BEND7: variants seen among roughly 807,000 people sequenced by gnomAD.
The protein encoded by BEND7 is BEN domain-containing protein 7.
A neutral mutation model predicts 50.9 loss-of-function variants in BEND7; 28 were observed. That is an observed-to-expected ratio of 0.55 (90% CI 0.41 to 0.75). The LOEUF (loss-of-function observed/expected upper bound fraction) is 0.75, where lower values mean the gene tolerates loss of function less well. Ranked by LOEUF, BEND7 falls within the 30% of genes least tolerant of loss-of-function variation. BEND7 has a pLI of 0.00. For missense variants in BEND7, 477 were observed against 491.3 expected, an observed-to-expected ratio of 0.97 and a Z score of 0.28; for synonymous variants, 170 against 183.9, an observed-to-expected ratio of 0.92 and a Z score of 0.61.
In BEND7 at chr10:13,496,747, C is replaced by T. The variant is rs369417947; in HGVS notation, c.571+19G>A. Reference sequence around the variant, plus strand: ...GCATTAAAAATCAAAGGACTCATTCCGAGGCCTGATCCTTGTACCTGCTTG... The same window carrying T: ...GCATTAAAAATCAAAGGACTCATTCTGAGGCCTGATCCTTGTACCTGCTTG... On this transcript the variant is annotated intron_variant, in intron 4 of 8. Transcript: ENST00000466271. The T allele has an allele frequency of 2.7e-5, 44 of 1,606,290 alleles. No individual in the cohort carries two copies. In the Admixed American group the frequency reaches 3.3e-4, roughly 12 times the overall value.
Position 13,470,707 on chromosome 10 carries a change from GC to G in BEND7, c.1063+10191del, listed in dbSNP as rs2074730090. Among the ~76,000 whole-genome samples the G allele has an allele frequency of 2.6e-5, 4 of 152,194 alleles. 1 individual carries two copies. Among genetic ancestry groups the G allele is most frequent in the Admixed American group, 2.6e-4 (4 of 15,278 alleles). On this transcript the variant is annotated intron_variant, in intron 6 of 8. Transcript: ENST00000466271. ...GGTGGTGAAGCGTAGACTCACTGTG[GC>G]CCCAACGGCAGGGATCCGAATTCAT...
At chr10:13,449,395 C>T (rs1437585810) in intron 7 of BEND7, among the ~76,000 whole-genome samples, 1 of 152,178 alleles carries the variant, frequency 6.6e-6, no homozygotes, top group African/African-American at 2.4e-5. Flanking sequence ...CCTTAGGACA[C>T]TCTACAAGGT....
intron 6 of BEND7, among the ~76,000 whole-genome samples, chr10:13,475,503 G>A (rs771472930): frequency 3.3e-5 from 5 of 152,218 alleles, no homozygotes; most frequent in Admixed American, 6.5e-5. Flanking sequence ...CTTTCTTGAT[G>A]GAAGGGATCA....
At chr10:13,468,587 G>GGT in intron 6 of BEND7, among the ~76,000 whole-genome samples, 1 of 152,168 alleles carries the variant, frequency 6.6e-6, no homozygotes, top group Non-Finnish European at 1.5e-5. Flanking sequence ...TAGGCTGTTA[G>GGT]GATACATTAG....
chr10:13,498,358 C>T (rs10906394), intron 3 of BEND7, among the ~76,000 whole-genome samples: 30,771 of 152,008 alleles, frequency 0.2, 3,205 homozygotes, highest in African/African-American at 0.24. Context: ...ACTACAGGCA[C>T]GAGCCACCAC....
chr10:13,474,166 C>A (rs1291587281), intron 6 of BEND7, among the ~76,000 whole-genome samples: 1 of 151,448 alleles, frequency 6.6e-6, no homozygotes, highest in Non-Finnish European at 1.5e-5. Flanking sequence ...CATCTGTCAT[C>A]GCTGTTAGAT....
In BEND7 at chr10:13,496,762, G is replaced by A; in HGVS notation, c.571+4C>T. On this transcript the variant is annotated splice_donor_region_variant and intron_variant, in intron 4 of 8. Coordinates refer to ENST00000466271, the MANE Select transcript of BEND7 (RefSeq NM_001369863.1). Reference sequence around the variant, plus strand: ...GGACTCATTCCGAGGCCTGATCCTTGTACCTGCTTGAATTTGCATTAATTT... The same window carrying A: ...GGACTCATTCCGAGGCCTGATCCTTATACCTGCTTGAATTTGCATTAATTT... 1.2e-6 allele frequency: 2 copies of A among 1,612,414 alleles called. No homozygotes were observed. Among genetic ancestry groups the A allele is most frequent in the Non-Finnish European group, 1.7e-6 (2 of 1,179,440 alleles).
chr10:13,528,456 C>T lies in BEND7; in HGVS notation c.61+17G>A. ...CGGCGCCCGCTGCCTGCCCCCGCCG[C>T]CCCGGCGGCCGCTTACCTCGGCTCA... On this transcript the variant is annotated intron_variant, in intron 1 of 8. Transcript: ENST00000466271. The T allele has an allele frequency of 1.1e-5, 11 of 1,012,490 alleles. No individual in the cohort carries two copies. The highest frequency in any genetic ancestry group is 1.3e-5 in the Non-Finnish European group (11 of 850,074). The allele number at this position is 1,012,490 out of a possible 1,614,324, so 62.7% of individuals were successfully genotyped here.
intron 6 of BEND7, chr10:13,480,552 T>C (rs2075784647): frequency 1.3e-6 from 1 of 794,742 alleles, no homozygotes; most frequent in Non-Finnish European, 1.5e-6. Flanking sequence ...AGCTTTATTC[T>C]CATAACTCAA....
chr10:13,501,374 C>CA (rs58905816), intron 2 of BEND7, among the ~76,000 whole-genome samples: 11 of 72,914 alleles, frequency 1.5e-4, no homozygotes, highest in Admixed American at 4.8e-4. Flanking sequence ...AACTCCATCT[C>CA]AAAAAAAAAA....
Position 13,452,630 on chromosome 10 carries a change from G to C in BEND7, c.1092C>G (p.Asn364Lys). 6.2e-7 allele frequency: 1 copy of C among 1,612,026 alleles called. No homozygotes were observed. The highest frequency in any genetic ancestry group is 8.5e-7 in the Non-Finnish European group (1 of 1,178,702). Residue 364 changes from asparagine (N) to lysine (K), a missense_variant, in exon 7 of 9, where the codon AAC (asparagine) becomes AAG (lysine). Physicochemically the swap from Asn to Lys is moderately conservative, Grantham distance 94 (BLOSUM62 0). Coordinates refer to ENST00000466271, the MANE Select transcript of BEND7 (RefSeq NM_001369863.1). ...TTGGGCCAGGAAGCTTATCCACATG[G>C]TTAGCTGTACAGTACTTTTCTGTGA... ...KVFTEKYCTA[N>K]HVDKLPGPRD...
chr10:13,466,764 C>G (rs1343430825), intron 6 of BEND7, among the ~76,000 whole-genome samples: 1 of 152,100 alleles, frequency 6.6e-6, no homozygotes, highest in Non-Finnish European at 1.5e-5. Context: ...CTTGACTGTT[C>G]TTTAGATAAA....
chr10:13,492,346 T>A (rs2076722655), intron 5 of BEND7, among the ~76,000 whole-genome samples: 1 of 152,166 alleles, frequency 6.6e-6, no homozygotes, highest in Non-Finnish European at 1.5e-5. Flanking sequence ...AAATTAAAAA[T>A]GCAAAAGAAA....
At chr10:13,509,644 C>T (rs2078137614) in intron 2 of BEND7, among the ~76,000 whole-genome samples, 1 of 152,180 alleles carries the variant, frequency 6.6e-6, no homozygotes, top group Non-Finnish European at 1.5e-5. Flanking sequence ...GATGGCAAGA[C>T]TGGAGGTGGT....
chr10:13,478,071 G>C (rs1000257889), intron 6 of BEND7, among the ~76,000 whole-genome samples: 1 of 152,208 alleles, frequency 6.6e-6, no homozygotes, highest in Non-Finnish European at 1.5e-5. Context: ...CTTTATAGGG[G>C]AGAGGGGAGG....
At chr10:13,453,049 G>A (rs1838134841) in intron 6 of BEND7, among the ~76,000 whole-genome samples, 2 of 152,156 alleles carry the variant, frequency 1.3e-5, no homozygotes, top group Non-Finnish European at 2.9e-5. Flanking sequence ...AAAATTGAAC[G>A]CAAAATTAAC....
intron 5 of BEND7, among the ~76,000 whole-genome samples, chr10:13,487,227 C>T (rs1182593064): frequency 2.0e-5 from 3 of 152,064 alleles, no homozygotes; most frequent in Non-Finnish European, 4.4e-5. Context: ...CTATTATTAT[C>T]CCCAGTTTGC....
Position 13,484,933 on chromosome 10 carries a change from C to G in BEND7, c.838-3809G>C, listed in dbSNP as rs151100807. 2.0e-4 allele frequency among the ~76,000 whole-genome samples: 30 copies of G among 152,308 alleles called. 1 individual carries two copies. Among genetic ancestry groups the G allele is most frequent in the African/African-American group, 6.5e-4 (27 of 41,560 alleles). ...TGGAGGCAAACACTGCATACACAGT[C>G]ACCAACACTCTTGAAAATGTCCTGG... On this transcript the variant is annotated intron_variant, in intron 5 of 8. Transcript: ENST00000466271.
intron 5 of BEND7, among the ~76,000 whole-genome samples, chr10:13,483,890 G>A (rs2076040741): frequency 6.6e-6 from 1 of 152,286 alleles, no homozygotes; most frequent in East Asian, 1.9e-4. Flanking sequence ...ACAGGATCTT[G>A]AAGGTAGGAT....
Sources: allele counts gnomAD v4.1 joint callset (sites outside exome capture counted in the v4.1 genomes callset), GRCh38; gene constraint gnomAD v4.1.1; transcripts MANE v1.5; gene names NCBI Gene and HGNC (gene_info 2026-07-23, HGNC 2026-07-21).